RAF1: variants seen among roughly 807,000 people sequenced by gnomAD.
The protein encoded by RAF1 is Raf-1 proto-oncogene, serine/threonine kinase.
RAF1 carries 27 observed loss-of-function variants against 81.1 expected under a neutral mutation model. The observed-to-expected ratio is 0.33, with a 90% CI of 0.25 to 0.46. The LOEUF (loss-of-function observed/expected upper bound fraction) is 0.46. Ranked by LOEUF, RAF1 falls within the 20% of genes least tolerant of loss-of-function variation. The probability of loss-of-function intolerance (pLI) is 1.00; values close to 1 mark genes in which losing one functional copy is unlikely to be tolerated. For missense variants in RAF1, 598 were observed against 826.0 expected (o/e 0.72, Z 3.38); for synonymous variants, 298 against 294.0 (o/e 1.01, Z -0.14).
intron 1 of RAF1, among the ~76,000 whole-genome samples, chr3:12,641,730 G>A (rs1404289254): frequency 1.3e-5 from 2 of 152,062 alleles, no homozygotes; most frequent in South Asian, 2.1e-4. Context: ...GAGCTCAAGT[G>A]AGCTACCTGC....
chr3:12,603,207 G>A (rs2058917743), intron 8 of RAF1, among the ~76,000 whole-genome samples: 8 of 152,040 alleles, frequency 5.3e-5, no homozygotes, highest in Admixed American at 5.2e-4. Flanking sequence ...TGGAGTAGCT[G>A]GGACAACAGA....
At chr3:12,630,386 G>T (rs5746184) in intron 1 of RAF1, among the ~76,000 whole-genome samples, 4 of 152,134 alleles carry the variant, frequency 2.6e-5, no homozygotes, top group Non-Finnish European at 5.9e-5. Context: ...CTACCTCAGG[G>T]AACAAAACAC....
chr3:12,611,863 G>T, intron 3 of RAF1, 87 bp downstream of exon 3: 1 of 920,922 alleles, frequency 1.1e-6, no homozygotes. Context: ...TCTATAGGAA[G>T]CTAGTACAAT....
intron 1 of RAF1, among the ~76,000 whole-genome samples, chr3:12,627,008 C>T (rs1183620990): frequency 7.7e-6 from 1 of 130,388 alleles, no homozygotes; most frequent in Non-Finnish European, 1.6e-5. Flanking sequence ...TGGGTGACAG[C>T]GAGACTCTGT....
At chr3:12,650,729 C>G (rs147625545) in intron 1 of RAF1, among the ~76,000 whole-genome samples, 1 of 152,144 alleles carries the variant, frequency 6.6e-6, no homozygotes, top group Non-Finnish European at 1.5e-5. Context: ...AAACCACCAC[C>G]GTTTAACAAA....
chr3:12,585,883 A>C, intron 14 of RAF1, 84 bp from the exon 14 acceptor site: 1 of 942,360 alleles, frequency 1.1e-6, no homozygotes, highest in East Asian at 2.4e-5. Context: ...ATAACACGGT[A>C]ATCTCTCCAC....
At chr3:12,585,599 A>G in intron 15 of RAF1, 82 bp downstream of exon 14, 1 of 1,408,394 alleles carries the variant, frequency 7.1e-7, no homozygotes, top group African/African-American at 1.4e-5. Flanking sequence ...ATGTACAGAA[A>G]CGCTTTAAGT....
At chr3:12,596,512 C>T (rs889540857) in intron 11 of RAF1, among the ~76,000 whole-genome samples, 1 of 151,922 alleles carries the variant, frequency 6.6e-6, no homozygotes, top group Non-Finnish European at 1.5e-5. Flanking sequence ...AAATTTAATG[C>T]CCAAAAGGAG....
At chr3:12,623,797 C>CAA (rs71063844) in intron 1 of RAF1, among the ~76,000 whole-genome samples, 24 of 121,644 alleles carry the variant, frequency 2.0e-4, no homozygotes, top group Non-Finnish European at 3.0e-4. Context: ...GACTCTGTCT[C>CAA]AAAAAAAAAA....
rs538100723 is a variant in RAF1 at position 12,635,281 on chromosome 3, T to C, written c.-26-16534A>G. 3.8e-5 allele frequency among the ~76,000 whole-genome samples: 5 copies of C among 130,816 alleles called. No individual in the cohort carries two copies. In the South Asian group the frequency reaches 1.2e-3, roughly 32 times the overall value. 85.8% of individuals were successfully genotyped at this position (130,816 alleles called of 152,430 possible). On this transcript the variant is annotated intron_variant, in intron 1 of 17. Transcript: ENST00000442415. ...TTGCAGTAAACCGGGATCTTGCCACTGTACTCCAGCCTGGGTGACAGAGGG... is the reference window on the plus strand; with the variant it reads ...TTGCAGTAAACCGGGATCTTGCCACCGTACTCCAGCCTGGGTGACAGAGGG...
At chr3:12,608,951 T>C (rs2059124602) in intron 4 of RAF1, 28 bp from the exon 5 acceptor site, 3 of 1,613,474 alleles carry the variant, frequency 1.9e-6, no homozygotes, top group Non-Finnish European at 2.5e-6. Flanking sequence ...GTGTAAATTA[T>C]GCTGAATAAA....
At chr3:12,623,233 G>C (rs2059601281) in intron 1 of RAF1, among the ~76,000 whole-genome samples, 1 of 152,050 alleles carries the variant, frequency 6.6e-6, no homozygotes, top group African/African-American at 2.4e-5. Flanking sequence ...GACTGTATTG[G>C]AATTGACTGA....
chr3:12,652,447 G>C (rs2060562403), intron 1 of RAF1, among the ~76,000 whole-genome samples: 1 of 152,078 alleles, frequency 6.6e-6, no homozygotes, highest in South Asian at 2.1e-4. Context: ...CTTGAACCCA[G>C]GAGGCAGGGG....
chr3:12,589,788 T>C (rs904408898), intron 13 of RAF1: 3 of 139,624 alleles, frequency 2.1e-5, no homozygotes, highest in Non-Finnish European at 4.6e-5. Flanking sequence ...GTGTGGTTTT[T>C]TTGGGTTTTT....
chr3:12,620,767 G>A (rs912581240), intron 1 of RAF1, among the ~76,000 whole-genome samples: 1 of 152,090 alleles, frequency 6.6e-6, no homozygotes, highest in Non-Finnish European at 1.5e-5. Context: ...TTCAGTCACT[G>A]CAAACCCTTT....
In RAF1 at chr3:12,656,136, T is replaced by C. The variant is rs899000371; in HGVS notation, c.-27+7677A>G. 1.7e-4 allele frequency among the ~76,000 whole-genome samples: 25 copies of C among 144,482 alleles called. No individual in the cohort carries two copies. In the Admixed American group the frequency reaches 1.8e-3, roughly 11 times the overall value. The allele number at this position is 144,482 out of a possible 152,430, so 94.8% of individuals were successfully genotyped here. ...TCCATTTTGCATTGTCAGGCAATAC[T>C]AGATAATACTAGCCAGGGAAATCAC... On this transcript the variant is annotated intron_variant, in intron 1 of 17. Coordinates refer to ENST00000442415, the MANE Select transcript of RAF1 (RefSeq NM_001354689.3).
intron 1 of RAF1, among the ~76,000 whole-genome samples, chr3:12,630,962 CCTGA>C (rs1421435808): frequency 3.3e-5 from 5 of 152,268 alleles, no homozygotes; most frequent in African/African-American, 9.6e-5. Context: ...TGCCACCACG[CCTGA>C]CTAATTTTTG....
In RAF1 at chr3:12,608,481, G is replaced by A. The variant is rs188479535; in HGVS notation, c.581+285C>T. 12 of 444,024 alleles carry A rather than the reference G, an allele frequency of 2.7e-5. No homozygotes were observed. The East Asian group carries it at 4.8e-4, about 18-fold the overall frequency. 27.5% of individuals were successfully genotyped at this position (444,024 alleles called of 1,614,324 possible). A position where few individuals can be genotyped will look rare whatever the true frequency, so the allele number is the denominator to read the frequency against. Reference sequence around the variant, plus strand: ...AGAGCGAAAAGCAAAAAATCTTCTTGTTTTCATATCCTTTTGCTCCTTTCC... The same window carrying A: ...AGAGCGAAAAGCAAAAAATCTTCTTATTTTCATATCCTTTTGCTCCTTTCC... On this transcript the variant is annotated intron_variant, in intron 5 of 17. Coordinates refer to ENST00000442415, the MANE Select transcript of RAF1 (RefSeq NM_001354689.3).
At chr3:12,634,153 C>T (rs1008688825) in intron 1 of RAF1, among the ~76,000 whole-genome samples, 18 of 141,472 alleles carry the variant, frequency 1.3e-4, no homozygotes, top group African/African-American at 3.9e-4. Context: ...TCCTTTCTCT[C>T]TTTTTTTTTT....
Sources: allele counts gnomAD v4.1 joint callset (sites outside exome capture counted in the v4.1 genomes callset), GRCh38; gene constraint gnomAD v4.1.1; transcripts MANE v1.5; gene names NCBI Gene and HGNC (gene_info 2026-07-23, HGNC 2026-07-21).